FAM117B: variants seen among roughly 807,000 people sequenced by gnomAD.
FAM117B encodes family with sequence similarity 117 member B.
Under a neutral mutation model 52.8 loss-of-function variants are expected in FAM117B, and 22 were observed. The ratio of observed to expected loss-of-function variants is 0.42; its 90% CI spans 0.30 to 0.59. The LOEUF (loss-of-function observed/expected upper bound fraction) is 0.59, where lower values mean the gene tolerates loss of function less well. Among genes scored for constraint, FAM117B ranks in the 20% least tolerant of loss-of-function variants. The pLI, the probability that FAM117B is intolerant of heterozygous loss-of-function variation, is 0.22. For missense variants in FAM117B, 678 were observed against 802.6 expected (o/e 0.84, Z 1.88); for synonymous variants, 309 against 324.1 (o/e 0.95, Z 0.50).
At chr2:202,663,847 G>A (rs1485252790) in intron 1 of FAM117B, among the ~76,000 whole-genome samples, 1 of 152,194 alleles carries the variant, frequency 6.6e-6, no homozygotes, top group African/African-American at 2.4e-5. Flanking sequence ...GCCTCCCAAA[G>A]TGTTGGGATT....
chr2:202,759,955 C>G (rs1388637834), intron 7 of FAM117B, among the ~76,000 whole-genome samples: 1 of 152,182 alleles, frequency 6.6e-6, no homozygotes, highest in African/African-American at 2.4e-5. Flanking sequence ...CCTGCCTCAG[C>G]CTCCTGAAGT....
chr2:202,673,431 C>CTTTTTTTTTTTTTTTTTTTTTTT (rs1690327997), intron 1 of FAM117B, among the ~76,000 whole-genome samples: 1 of 31,188 alleles, frequency 3.2e-5, no homozygotes, highest in African/African-American at 1.7e-4. Flanking sequence ...TTTTCTTTTT[C>CTTTTTTTTTTTTTTTTTTTTTTT]TGTTTTTTTT....
intron 1 of FAM117B, among the ~76,000 whole-genome samples, chr2:202,665,832 C>A (rs571414440): frequency 6.6e-6 from 1 of 152,254 alleles, no homozygotes; most frequent in South Asian, 2.1e-4. Flanking sequence ...AACTCCTGAC[C>A]TCGGGTGTTC....
In FAM117B at chr2:202,765,952, A is replaced by C. The variant is rs1416763549; in HGVS notation, c.*188A>C. The C allele has an allele frequency of 1.6e-6, 1 of 606,332 alleles. No homozygotes were observed. Among genetic ancestry groups the C allele is most frequent in the Non-Finnish European group, 2.9e-6 (1 of 346,922 alleles). The allele number at this position is 606,332 out of a possible 1,614,324, so 37.6% of individuals were successfully genotyped here. ...GCCCCACTTGTGAACGCCAACCCTC[A>C]GTGCTTAGCCTGCTTTTTATCAAAG... On this transcript the variant is annotated 3_prime_UTR_variant, in exon 8 of 8. Transcript: ENST00000392238.
intron 2 of FAM117B, among the ~76,000 whole-genome samples, chr2:202,699,024 CTT>C (rs893793296): frequency 2.6e-5 from 4 of 152,148 alleles, no homozygotes; most frequent in African/African-American, 9.7e-5. Context: ...TTCAGTAAGT[CTT>C]TTCAGCAAAT....
intron 1 of FAM117B, among the ~76,000 whole-genome samples, chr2:202,653,723 G>GT (rs1251523031): frequency 1.3e-5 from 2 of 151,984 alleles, no homozygotes; most frequent in Non-Finnish European, 2.9e-5. Context: ...TTGTTAACCC[G>GT]TTTTTCTTCA....
intron 4 of FAM117B, among the ~76,000 whole-genome samples, chr2:202,731,253 A>AATACCAGT (rs1164265374): frequency 2.0e-5 from 3 of 147,738 alleles, no homozygotes; most frequent in Non-Finnish European, 4.5e-5. Context: ...ACTCCAGTGA[A>AATACCAGT]ATACCAGTTC....
chr2:202,660,218 C>T (rs1375077504), intron 1 of FAM117B, among the ~76,000 whole-genome samples: 1 of 151,804 alleles, frequency 6.6e-6, no homozygotes, highest in Non-Finnish European at 1.5e-5. Flanking sequence ...TCTGAGCCAT[C>T]TTAGGGTTGG....
At chr2:202,646,055 C>T (rs1417624258) in intron 1 of FAM117B, among the ~76,000 whole-genome samples, 4 of 145,680 alleles carry the variant, frequency 2.7e-5, no homozygotes, top group African/African-American at 1.0e-4. Context: ...GAGATGGAGT[C>T]TTGCTCCGTT....
At chr2:202,742,244 A>G (rs1256123178) in intron 4 of FAM117B, among the ~76,000 whole-genome samples, 6 of 152,238 alleles carry the variant, frequency 3.9e-5, no homozygotes, top group African/African-American at 1.4e-4. Flanking sequence ...TAACCAGCAA[A>G]GCTGTGAAAA....
chr2:202,669,113 A>T (rs370625366), intron 1 of FAM117B, among the ~76,000 whole-genome samples: 1 of 152,206 alleles, frequency 6.6e-6, no homozygotes, highest in African/African-American at 2.4e-5. Flanking sequence ...TGATAAATCA[A>T]TAGACAGAGT....
At chr2:202,642,019 T>G (rs1419993708) in intron 1 of FAM117B, among the ~76,000 whole-genome samples, 1 of 149,552 alleles carries the variant, frequency 6.7e-6, no homozygotes, top group Non-Finnish European at 1.5e-5. Flanking sequence ...CTCGGCTTAC[T>G]GCAACCTCCG....
At chr2:202,718,963 G>A (rs1691106091) in intron 2 of FAM117B, among the ~76,000 whole-genome samples, 1 of 152,190 alleles carries the variant, frequency 6.6e-6, no homozygotes, top group African/African-American at 2.4e-5. Context: ...AATAAGAGCT[G>A]TATTTCCTCT....
intron 5 of FAM117B, 39 bp from the exon 6 acceptor site, chr2:202,757,174 A>G: frequency 1.3e-6 from 2 of 1,579,788 alleles, no homozygotes; most frequent in Non-Finnish European, 1.7e-6. Context: ...ATTCGAAATT[A>G]ATTATAAATA....
At chr2:202,734,771 G>A (rs1349505293) in intron 4 of FAM117B, among the ~76,000 whole-genome samples, 2 of 152,206 alleles carry the variant, frequency 1.3e-5, no homozygotes, top group Non-Finnish European at 2.9e-5. Flanking sequence ...CCATTTGAGG[G>A]AGCACCTAAA....
In FAM117B at chr2:202,635,314, C is replaced by T; in HGVS notation, c.127C>T (p.Leu43=). 1 of 1,418,656 alleles carries T rather than the reference C, an allele frequency of 7.0e-7. No individual in the cohort carries two copies. 87.9% of individuals were successfully genotyped at this position (1,418,656 alleles called of 1,614,324 possible). A position where few individuals can be genotyped will look rare whatever the true frequency, so the allele number is the denominator to read the frequency against. Residue 43 remains leucine (L), a synonymous_variant, in exon 1 of 8, where the codon CTG becomes TTG. Coordinates refer to ENST00000392238, the MANE Select transcript of FAM117B (RefSeq NM_173511.4). ...CATGAGGGCGACGGTTCCGTTCCAG[C>T]TGAAGCAGCAGCAGCAGCAGCAACA... ...QPMRATVPFQ[L]KQQQQQQHGS... is the part of the protein sequence containing the mutation.
At chr2:202,726,393 A>G (rs750815889) in intron 4 of FAM117B, 30 bp downstream of exon 4, 1 of 1,502,324 alleles carries the variant, frequency 6.7e-7, no homozygotes, top group African/African-American at 1.4e-5. Flanking sequence ...AAAATCCAGA[A>G]AAGGAATTTG....
At chr2:202,763,263 A>G (rs1360126257) in intron 7 of FAM117B, among the ~76,000 whole-genome samples, 1 of 151,928 alleles carries the variant, frequency 6.6e-6, no homozygotes, top group Non-Finnish European at 1.5e-5. Flanking sequence ...TAGTAGAGAC[A>G]GGGTTTCAAC....
chr2:202,648,364 T>A (rs989672328), intron 1 of FAM117B, among the ~76,000 whole-genome samples: 4 of 151,778 alleles, frequency 2.6e-5, no homozygotes, highest in Non-Finnish European at 5.9e-5. Flanking sequence ...CAGAAAAAAA[T>A]TAGCCGAGTA....
Sources: allele counts gnomAD v4.1 joint callset (sites outside exome capture counted in the v4.1 genomes callset), GRCh38; gene constraint gnomAD v4.1.1; transcripts MANE v1.5; gene names NCBI Gene and HGNC (gene_info 2026-07-23, HGNC 2026-07-21).